PRICKLE2: variants seen among roughly 807,000 people sequenced by gnomAD.
The protein encoded by PRICKLE2 is prickle planar cell polarity protein 2, also known as prickle-like protein 2.
A neutral mutation model predicts 81.4 loss-of-function variants in PRICKLE2; 21 were observed. The ratio of observed to expected loss-of-function variants is 0.26; its 90% CI spans 0.18 to 0.37. The LOEUF (loss-of-function observed/expected upper bound fraction) is 0.37, where lower values mean the gene tolerates loss of function less well. Among genes scored for constraint, PRICKLE2 ranks in the 10% least tolerant of loss-of-function variants. The pLI is 1.00. For missense variants in PRICKLE2, 940 were observed against 1,109.0 expected (o/e 0.85, Z 2.16); for synonymous variants, 456 against 421.5 (o/e 1.08, Z -1.00).
intron 2 of PRICKLE2, among the ~76,000 whole-genome samples, chr3:64,244,004 A>G (rs1315111966): frequency 6.6e-6 from 1 of 152,188 alleles, no homozygotes; most frequent in Admixed American, 6.5e-5. Flanking sequence ...CAAATTATGG[A>G]ATAGGAAAAG....
chr3:64,109,825 G>A (rs1164640119), intron 7 of PRICKLE2, among the ~76,000 whole-genome samples: 1 of 152,162 alleles, frequency 6.6e-6, no homozygotes, highest in Admixed American at 6.5e-5. Flanking sequence ...TGGAGGTTGG[G>A]GAGTGACAAG....
intron 2 of PRICKLE2, among the ~76,000 whole-genome samples, chr3:64,258,548 T>C (rs864088): frequency 0.85 from 128,543 of 151,966 alleles, 54,757 homozygotes; most frequent in Non-Finnish European, 0.88. Flanking sequence ...AGGCTGGGTG[T>C]GGTGGCTCAC....
chr3:64,188,091 C>G (rs750523399), intron 2 of PRICKLE2, among the ~76,000 whole-genome samples: 9 of 152,336 alleles, frequency 5.9e-5, no homozygotes, highest in Non-Finnish European at 8.8e-5. Context: ...CACCCTTCAT[C>G]CGTATCTGCA....
intron 2 of PRICKLE2, among the ~76,000 whole-genome samples, chr3:64,252,379 A>G (rs1320459881): frequency 2.0e-5 from 3 of 152,204 alleles, no homozygotes; most frequent in Non-Finnish European, 4.4e-5. Context: ...TATGGGGGCC[A>G]GCTGGAAGCA....
upstream of PRICKLE2, among the ~76,000 whole-genome samples, chr3:64,225,840 CT>C (rs1559591490): frequency 6.6e-6 from 1 of 151,764 alleles, no homozygotes; most frequent in South Asian, 2.1e-4. Context: ...TCAGAGCACT[CT>C]TTTTTTAATT....
intron 2 of PRICKLE2, among the ~76,000 whole-genome samples, chr3:64,239,780 G>T (rs2107169777): frequency 6.6e-6 from 1 of 152,034 alleles, no homozygotes; most frequent in Admixed American, 6.5e-5. Context: ...TCTAATTTCT[G>T]AATCGATTTC....
At chr3:64,116,074 G>C (rs1446814456) in intron 7 of PRICKLE2, among the ~76,000 whole-genome samples, 1 of 152,104 alleles carries the variant, frequency 6.6e-6, no homozygotes, top group Non-Finnish European at 1.5e-5. Flanking sequence ...ATGGAAATTG[G>C]ATAACCTGCT....
upstream of PRICKLE2, among the ~76,000 whole-genome samples, chr3:64,227,765 C>T (rs543132808): frequency 5.9e-5 from 9 of 152,262 alleles, no homozygotes; most frequent in African/African-American, 1.9e-4. Context: ...AACACTGAGC[C>T]TGTTACATAG....
intron 6 of PRICKLE2, among the ~76,000 whole-genome samples, chr3:64,150,980 CT>C (rs2077537586): frequency 6.6e-6 from 1 of 152,156 alleles, no homozygotes; most frequent in Admixed American, 6.5e-5. Context: ...TTTTTTATTC[CT>C]TCTCTAAGCC....
intron 2 of PRICKLE2, among the ~76,000 whole-genome samples, chr3:64,197,731 G>C (rs2078483650): frequency 6.6e-6 from 1 of 151,968 alleles, no homozygotes; most frequent in Non-Finnish European, 1.5e-5. Context: ...AGAGGGTCAG[G>C]AAAAATAACT....
intron 7 of PRICKLE2, among the ~76,000 whole-genome samples, chr3:64,125,078 T>C (rs557703413): frequency 6.6e-6 from 1 of 152,122 alleles, no homozygotes; most frequent in Admixed American, 6.6e-5. Context: ...TAATAGGAGT[T>C]TGGACAAAGT....
intron 7 of PRICKLE2, among the ~76,000 whole-genome samples, chr3:64,116,612 T>C (rs1069985): frequency 0.72 from 109,246 of 151,970 alleles, 40,750 homozygotes; most frequent in South Asian, 0.85. Context: ...TGGATAAATG[T>C]CTGGACACAT....
rs200292506 is a variant in PRICKLE2 at position 64,157,115 on chromosome 3, C to G, written c.600+47G>C. On this transcript the variant is annotated intron_variant, in intron 5 of 7. Transcript: ENST00000638394. The stretch of plus-strand genomic sequence containing the variant: ...AGAAGACCATGTGTTGGCTATGGTG[C>G]AATGAAGGGGTGATGGGCAGGTAAA... 2,340 of 1,533,464 alleles carry G rather than the reference C, an allele frequency of 1.5e-3. 1 individual carries two copies. Among genetic ancestry groups the G allele is most frequent in the Non-Finnish European group, 1.9e-3 (2,148 of 1,106,610 alleles). The allele number at this position is 1,533,464 out of a possible 1,614,324, so 95.0% of individuals were successfully genotyped here. A position where few individuals can be genotyped will look rare whatever the true frequency, so the allele number is the denominator to read the frequency against.
intron 2 of PRICKLE2, among the ~76,000 whole-genome samples, chr3:64,189,380 G>A (rs56022697): frequency 0.22 from 33,841 of 152,106 alleles, 4,066 homozygotes; most frequent in African/African-American, 0.28. Flanking sequence ...AAGAGACTGT[G>A]TGACTCATGC....
intron 1 of PRICKLE2, among the ~76,000 whole-genome samples, chr3:64,217,635 G>A (rs769411212): frequency 7.2e-5 from 11 of 152,206 alleles, no homozygotes; most frequent in East Asian, 1.9e-4. Context: ...CAAGGGTTGG[G>A]TTAGCATGTA....
chr3:64,135,458 T>C (rs553032084), intron 7 of PRICKLE2, among the ~76,000 whole-genome samples: 2 of 152,116 alleles, frequency 1.3e-5, no homozygotes, highest in Non-Finnish European at 1.5e-5. Flanking sequence ...GATGGGGGAA[T>C]TCTGGATGAC....
intron 7 of PRICKLE2, among the ~76,000 whole-genome samples, chr3:64,139,094 C>G (rs2077320410): frequency 6.6e-6 from 1 of 152,196 alleles, no homozygotes; most frequent in Non-Finnish European, 1.5e-5. Flanking sequence ...TGGTTCTTTC[C>G]CAGTTTGTCA....
intron 7 of PRICKLE2, chr3:64,103,020 A>T (rs139630619): frequency 6.6e-6 from 1 of 152,320 alleles, no homozygotes; most frequent in African/African-American, 2.4e-5. Context: ...CAAAAGGTTA[A>T]CAATGGATCA....
chr3:64,198,696 A>T, intron 2 of PRICKLE2, 88 bp downstream of exon 2: 3 of 1,404,526 alleles, frequency 2.1e-6, no homozygotes, highest in East Asian at 2.3e-5. Context: ...AGCAAAGTCT[A>T]CTCTTCCTAC....
Sources: allele counts gnomAD v4.1 joint callset (sites outside exome capture counted in the v4.1 genomes callset), GRCh38; gene constraint gnomAD v4.1.1; transcripts MANE v1.5; gene names NCBI Gene and HGNC (gene_info 2026-07-23, HGNC 2026-07-21).